PPP1R11: variants seen among roughly 807,000 people sequenced by gnomAD.
PPP1R11 encodes E3 ubiquitin-protein ligase PPP1R11.
In PPP1R11, 10 loss-of-function variants were observed where a neutral mutation model predicts 11.3. The observed-to-expected ratio is 0.88, with a 90% confidence interval of 0.55 to 1.50. The LOEUF is 1.50. Ranked by LOEUF, PPP1R11 falls within the 40% of genes most tolerant of loss-of-function variation. PPP1R11 has a pLI of 0.00. For synonymous variants in PPP1R11, 56 were observed against 62.3 expected, an observed-to-expected ratio of 0.90 and a Z score of 0.48; for missense variants, 114 against 179.1, an observed-to-expected ratio of 0.64 and a Z score of 2.07.
chr6:30,069,143 G>C lies in PPP1R11; in HGVS notation c.218G>C (p.Ser73Thr). ...GAGAAACCTCGGGCCTTTGGCGAGA[G>C]CTCCACGGAAAGTGATGAGGAGGAA... The part of the protein sequence containing the change: ...IYEKPRAFGE[S>T]STESDEEEEE... The change falls in exon 3 of 3, where the codon AGC becomes ACC. Residue 73 changes from serine (S) to threonine (T), a missense_variant. Physicochemically the swap from Ser to Thr is moderately conservative, Grantham distance 58. Coordinates refer to ENST00000376772, the MANE Select transcript of PPP1R11 (RefSeq NM_021959.3). This position sits in a 1 kb window ranked among gnomAD's most constrained non-coding sequence, Gnocchi z 6.6. 6.2e-7 allele frequency: 1 copy of C among 1,612,558 alleles called. No individual in the cohort carries two copies. Among genetic ancestry groups the C allele is most frequent in the Non-Finnish European group, 8.5e-7 (1 of 1,179,644 alleles).
the PPP1R11 span, chr6:30,061,395 A>G: frequency 3.0e-6 from 3 of 1,015,302 alleles, no homozygotes. The surrounding 1 kb of genome is among the most constrained non-coding windows in gnomAD (Gnocchi z 5.0). Flanking sequence ...CAGAGGCAGG[A>G]GGCGTGCGTG....
upstream of PPP1R11, chr6:30,067,133 C>T: frequency 2.3e-6 from 1 of 436,846 alleles, no homozygotes; most frequent in Non-Finnish European, 4.1e-6. Context: ...CGGAACTAAT[C>T]CAGCGACGCC....
At chr6:30,063,331 C>T (rs112900209), upstream of PPP1R11, among the ~76,000 whole-genome samples, 1 of 151,968 alleles carries the variant, frequency 6.6e-6, no homozygotes, top group African/African-American at 2.4e-5. The surrounding 1 kb of genome is among the most constrained non-coding windows in gnomAD (Gnocchi z 4.1). Flanking sequence ...CTCTTTATGC[C>T]ACCTTCTGAG....
intron 2 of PPP1R11, 109 bp downstream of exon 2, chr6:30,068,807 C>T: frequency 9.7e-7 from 1 of 1,027,620 alleles, no homozygotes; most frequent in Non-Finnish European, 1.4e-6. Context: ...GTTCATAGTT[C>T]TGTCACTTTT....
chr6:30,063,069 C>G (rs1299236432), upstream of PPP1R11, among the ~76,000 whole-genome samples: 1 of 152,052 alleles, frequency 6.6e-6, no homozygotes, highest in Non-Finnish European at 1.5e-5. This position sits in a 1 kb window ranked among gnomAD's most constrained non-coding sequence, Gnocchi z 4.1. Context: ...CTTTGGTGTT[C>G]TGCAGTCACT....
Position 30,069,331 on chromosome 6 carries a change from GTGTC to G in PPP1R11, c.*32_*35del. Reference sequence around the variant, plus strand: ...AATCCCTCTCTCCTCCAGCATTCCTGTGTCTGTCTGGCCCTAAATGTATCCATGT... The same window carrying G: ...AATCCCTCTCTCCTCCAGCATTCCTGTGTCTGGCCCTAAATGTATCCATGT... On this transcript the variant is annotated 3_prime_UTR_variant, in exon 3 of 3. Coordinates refer to ENST00000376772, the MANE Select transcript of PPP1R11 (RefSeq NM_021959.3). The surrounding 1 kb of genome is among the most constrained non-coding windows in gnomAD (Gnocchi z 6.6). 1 of 1,532,464 alleles carries G rather than the reference GTGTC, an allele frequency of 6.5e-7. No individual in the cohort carries two copies. The highest frequency in any genetic ancestry group is 8.9e-7 in the Non-Finnish European group (1 of 1,127,074). The allele number at this position is 1,532,464 out of a possible 1,614,324, so 94.9% of individuals were successfully genotyped here. A position where few individuals can be genotyped will look rare whatever the true frequency, so the allele number is the denominator to read the frequency against.
chr6:30,064,753 TG>T, upstream of PPP1R11: 1 of 1,545,756 alleles, frequency 6.5e-7, no homozygotes, highest in Non-Finnish European at 8.8e-7. Context: ...TGAAGGATAC[TG>T]GGTTTTTAGA....
chr6:30,067,328 G>C lies in PPP1R11; in HGVS notation c.-83G>C, dbSNP rs1324109017. ...TGGCTACCACTCTGAATCCGATACC[G>C]CTTCTCTTAGACCTCAGCGACAGAA... On this transcript the variant is annotated 5_prime_UTR_variant, in exon 1 of 3. Transcript: ENST00000376772. 7.8e-6 allele frequency: 11 copies of C among 1,402,196 alleles called. No homozygotes were observed. The Admixed American group carries it at 1.8e-4, about 22-fold the overall frequency. The allele number at this position is 1,402,196 out of a possible 1,614,324, so 86.9% of individuals were successfully genotyped here.
At chr6:30,062,601 A>C (rs1170913272), upstream of PPP1R11, among the ~76,000 whole-genome samples, 1 of 113,888 alleles carries the variant, frequency 8.8e-6, no homozygotes, top group Non-Finnish European at 1.6e-5. Flanking sequence ...CCTAGCCTGG[A>C]GTGCAGCGAG....
chr6:30,068,470 T>C, intron 1 of PPP1R11, 120 bp from the exon 2 acceptor site: 1 of 714,946 alleles, frequency 1.4e-6, no homozygotes, highest in Non-Finnish European at 2.4e-6. Context: ...TCAGCTCCTC[T>C]GGTGCTATGC....
Position 30,069,394 on chromosome 6 carries a change from C to G in PPP1R11, c.*88C>G. The G allele has an allele frequency of 9.4e-7, 1 of 1,063,506 alleles. No individual in the cohort carries two copies. Among genetic ancestry groups the G allele is most frequent in the Non-Finnish European group, 1.4e-6 (1 of 737,454 alleles). 65.9% of individuals were successfully genotyped at this position (1,063,506 alleles called of 1,614,324 possible). A position where few individuals can be genotyped will look rare whatever the true frequency, so the allele number is the denominator to read the frequency against. The stretch of plus-strand genomic sequence containing the variant: ...CTCCAGCCCCCTCCTTCCCTCTCTT[C>G]TGCCTGATAGAGGGAAGAGGAAGAG... On this transcript the variant is annotated 3_prime_UTR_variant, in exon 3 of 3. Transcript: ENST00000376772. The surrounding 1 kb of genome is among the most constrained non-coding windows in gnomAD (Gnocchi z 6.6).
chr6:30,064,241 C>CAG (rs1765330806), upstream of PPP1R11, among the ~76,000 whole-genome samples: 1 of 151,446 alleles, frequency 6.6e-6, no homozygotes, highest in East Asian at 1.9e-4. Context: ...TATTCATAGT[C>CAG]AGATATATCT....
chr6:30,069,277 C>T lies in PPP1R11; in HGVS notation c.352C>T (p.Gln118Ter). The change falls in exon 3 of 3, where the codon CAG (glutamine) becomes TAG (stop). Residue 118 changes from glutamine to a stop codon, truncating the protein, a stop_gained. Coordinates refer to ENST00000376772, the MANE Select transcript of PPP1R11 (RefSeq NM_021959.3). LOFTEE classifies it high-confidence loss of function. The surrounding 1 kb of genome is among the most constrained non-coding windows in gnomAD (Gnocchi z 6.6). ...TTPPQPPDPS[Q>*]PPPGPMQH Reference sequence around the variant, plus strand: ...CCCTCCCCAGCCTCCTGACCCTTCCCAGCCCCCTCCAGGGCCAATGCAGCA... The same window carrying T: ...CCCTCCCCAGCCTCCTGACCCTTCCTAGCCCCCTCCAGGGCCAATGCAGCA... 6.2e-7 allele frequency: 1 copy of T among 1,609,470 alleles called. No homozygotes were observed.
chr6:30,065,225 G>C (rs1278989052), upstream of PPP1R11, among the ~76,000 whole-genome samples: 1 of 152,144 alleles, frequency 6.6e-6, no homozygotes, highest in Non-Finnish European at 1.5e-5. The surrounding 1 kb of genome is among the most constrained non-coding windows in gnomAD (Gnocchi z 5.3). Flanking sequence ...GATCACTATA[G>C]GTGAGTATTT....
chr6:30,061,946 G>A, upstream of PPP1R11: 5 of 1,613,116 alleles, frequency 3.1e-6, no homozygotes, highest in Non-Finnish European at 4.2e-6. The surrounding 1 kb of genome is among the most constrained non-coding windows in gnomAD (Gnocchi z 5.0). Context: ...GAAGACTTCG[G>A]TTGTGTTCCA....
the PPP1R11 span, chr6:30,061,697 G>A: frequency 1.9e-6 from 3 of 1,612,036 alleles, no homozygotes; most frequent in Non-Finnish European, 2.5e-6. This position sits in a 1 kb window ranked among gnomAD's most constrained non-coding sequence, Gnocchi z 5.0. Context: ...AGGGGTCCTG[G>A]CGGAGGGCGC....
In PPP1R11 at chr6:30,068,682, C is replaced by G. The variant is rs140805312; in HGVS notation, c.162C>G (p.Gly54=). The change falls in exon 2 of 3, where the codon GGC becomes GGG. Residue 54 remains glycine (G), a synonymous_variant. Coordinates refer to ENST00000376772, the MANE Select transcript of PPP1R11 (RefSeq NM_021959.3). ...TSDTVDNEHM[G]RRSSKCCCIY... is the part of the protein sequence containing the mutation. Reference sequence around the variant, plus strand: ...ACACTGTGGACAATGAACACATGGGCCGCCGCTCATCCAAATGTGAGTAAT... The same window carrying G: ...ACACTGTGGACAATGAACACATGGGGCGCCGCTCATCCAAATGTGAGTAAT... The G allele has an allele frequency of 1.0e-4, 162 of 1,612,586 alleles. No homozygotes were observed. The highest frequency in any genetic ancestry group is 1.3e-4 in the Non-Finnish European group (153 of 1,179,768).
At chr6:30,065,191 T>G (rs1033140083), upstream of PPP1R11, among the ~76,000 whole-genome samples, 2 of 152,246 alleles carry the variant, frequency 1.3e-5, no homozygotes, top group Non-Finnish European at 2.9e-5. This position sits in a 1 kb window ranked among gnomAD's most constrained non-coding sequence, Gnocchi z 5.3. Flanking sequence ...ACAAAAAATC[T>G]GATACTAAGT....
chr6:30,066,652 C>T (rs2127300576), upstream of PPP1R11: 1 of 152,324 alleles, frequency 6.6e-6, no homozygotes, highest in South Asian at 2.1e-4. Context: ...CAAGGCGTAG[C>T]ACAGTGACTG....
Sources: allele counts gnomAD v4.1 joint callset (sites outside exome capture counted in the v4.1 genomes callset), GRCh38; gene constraint gnomAD v4.1.1; non-coding constraint Gnocchi (gnomAD v3.1); transcripts MANE v1.5; gene names NCBI Gene and HGNC (gene_info 2026-07-23, HGNC 2026-07-21).